The following PLEKHA8 variants were observed in gnomAD, a reference collection of about 807,000 sequenced individuals.
PLEKHA8 encodes pleckstrin homology domain containing A8, also known as pleckstrin homology domain-containing family A member 8.
A neutral mutation model predicts 68.2 loss-of-function variants in PLEKHA8; 36 were observed. The observed-to-expected ratio is 0.53, with a 90% CI of 0.40 to 0.70. The LOEUF is 0.70. Ranked by LOEUF, PLEKHA8 falls within the 30% of genes least tolerant of loss-of-function variation. The pLI, the probability that PLEKHA8 is intolerant of heterozygous loss-of-function variation, is 0.00. For synonymous variants in PLEKHA8, 211 were observed against 216.1 expected, an observed-to-expected ratio of 0.98 and a Z score of 0.20; for missense variants, 505 against 615.4, an observed-to-expected ratio of 0.82 and a Z score of 1.90.
At chr7:30,052,664 C>CA in intron 6 of PLEKHA8, 45 bp from the exon 7 acceptor site, 1 of 1,346,920 alleles carries the variant, frequency 7.4e-7, no homozygotes. Context: ...AAAAAAAGAC[C>CA]AAATAACGAC....
chr7:30,065,660 A>T (rs1039315864), intron 12 of PLEKHA8, among the ~76,000 whole-genome samples: 1 of 152,194 alleles, frequency 6.6e-6, no homozygotes, highest in Non-Finnish European at 1.5e-5. Context: ...TGCCATATAT[A>T]GGCAAGTTTG....
chr7:30,126,442 G>A (rs1324469382), intron 13 of PLEKHA8, among the ~76,000 whole-genome samples: 1 of 152,252 alleles, frequency 6.6e-6, no homozygotes, highest in Non-Finnish European at 1.5e-5. Flanking sequence ...CTTACATAAG[G>A]CTAAATGAAC....
chr7:30,051,196 G>A (rs62446681), intron 6 of PLEKHA8, among the ~76,000 whole-genome samples: 22,442 of 152,014 alleles, frequency 0.15, 1,712 homozygotes, highest in Middle Eastern at 0.19. Flanking sequence ...CACTGTGCCC[G>A]GCCTCAAATT....
chr7:30,076,486 A>G (rs990789496), intron 13 of PLEKHA8, among the ~76,000 whole-genome samples: 1 of 152,238 alleles, frequency 6.6e-6, no homozygotes, highest in Non-Finnish European at 1.5e-5. Context: ...TGAGCACTTA[A>G]CATGCACTAG....
chr7:30,103,631 A>G (rs1562551159), intron 13 of PLEKHA8, among the ~76,000 whole-genome samples: 1 of 152,220 alleles, frequency 6.6e-6, no homozygotes, highest in Non-Finnish European at 1.5e-5. Context: ...TAGTCAGTTG[A>G]TTTTTGATCA....
chr7:30,056,010 T>G (rs1355067593), intron 9 of PLEKHA8, among the ~76,000 whole-genome samples: 1 of 150,196 alleles, frequency 6.7e-6, no homozygotes, highest in Non-Finnish European at 1.5e-5. Flanking sequence ...TGGCGGGATC[T>G]CCACTCACTG....
At chr7:30,052,510 C>T (rs1792495520) in intron 6 of PLEKHA8, among the ~76,000 whole-genome samples, 199 bp from the exon 7 acceptor site, 2 of 151,958 alleles carry the variant, frequency 1.3e-5, no homozygotes, top group African/African-American at 2.4e-5. Context: ...GTGGCAGGCA[C>T]CTGTAGTCCG....
At chr7:30,104,162 A>C (rs1318786230) in intron 13 of PLEKHA8, among the ~76,000 whole-genome samples, 1 of 152,228 alleles carries the variant, frequency 6.6e-6, no homozygotes, top group Non-Finnish European at 1.5e-5. Flanking sequence ...AGCACTATAC[A>C]TCCACTAGTT....
At chr7:30,071,183 C>T (rs984882930) in intron 12 of PLEKHA8, among the ~76,000 whole-genome samples, 9 of 152,074 alleles carry the variant, frequency 5.9e-5, no homozygotes, top group Non-Finnish European at 1.0e-4. Flanking sequence ...CCAAAAAAAG[C>T]GATAAATGTT....
intron 1 of PLEKHA8, among the ~76,000 whole-genome samples, chr7:30,031,060 T>C (rs914851265): frequency 6.6e-5 from 10 of 152,208 alleles, no homozygotes; most frequent in Non-Finnish European, 1.2e-4. Context: ...TGGGATGCCT[T>C]GTGTCAAATT....
chr7:30,044,417 G>T (rs1003664694), intron 1 of PLEKHA8, among the ~76,000 whole-genome samples: 2 of 152,148 alleles, frequency 1.3e-5, no homozygotes, highest in African/African-American at 4.8e-5. Flanking sequence ...GATAAGATGC[G>T]TATTTCTACT....
intron 13 of PLEKHA8, among the ~76,000 whole-genome samples, chr7:30,102,430 C>T (rs529185535): frequency 1.3e-5 from 2 of 152,108 alleles, no homozygotes; most frequent in African/African-American, 4.8e-5. Context: ...GGTATAGACT[C>T]GAGGAAATTA....
At chr7:30,062,615 ACC>A in intron 11 of PLEKHA8, 55 bp from the exon 12 acceptor site, 1 of 1,268,002 alleles carries the variant, frequency 7.9e-7, no homozygotes. Flanking sequence ...ATTTCTTTAT[ACC>A]CACTCAACAT....
chr7:30,117,963 C>G (rs1247499815), intron 13 of PLEKHA8: 1 of 1,527,482 alleles, frequency 6.5e-7, no homozygotes, highest in East Asian at 2.5e-5. Context: ...GGATTCATTT[C>G]TAACAGGGAC....
At chr7:30,123,494 G>A (rs1038895244) in intron 13 of PLEKHA8, among the ~76,000 whole-genome samples, 1 of 152,198 alleles carries the variant, frequency 6.6e-6, no homozygotes, top group Non-Finnish European at 1.5e-5. Context: ...GAGGATCCAG[G>A]CTGAGCTTTT....
chr7:30,036,607 G>A (rs1449929992), intron 1 of PLEKHA8, among the ~76,000 whole-genome samples: 1 of 152,166 alleles, frequency 6.6e-6, no homozygotes, highest in African/African-American at 2.4e-5. Context: ...GCACTGTGCA[G>A]AACAAATAAA....
At chr7:30,127,144 T>C (rs1270714708) in intron 13 of PLEKHA8, among the ~76,000 whole-genome samples, 2 of 152,120 alleles carry the variant, frequency 1.3e-5, no homozygotes, top group Non-Finnish European at 2.9e-5. Flanking sequence ...TTACCTGGAG[T>C]GTCCTTTTTG....
intron 1 of PLEKHA8, among the ~76,000 whole-genome samples, chr7:30,031,011 C>T (rs1460444169): frequency 6.6e-6 from 1 of 152,178 alleles, no homozygotes; most frequent in African/African-American, 2.4e-5. Flanking sequence ...ACCCATGCCT[C>T]TGTATGGTTT....
intron 9 of PLEKHA8, 27 bp from the exon 10 acceptor site, chr7:30,060,857 A>G (rs371539164): frequency 2.8e-5 from 44 of 1,598,632 alleles, no homozygotes; most frequent in Non-Finnish European, 3.7e-5. Flanking sequence ...TTGCTTTTTC[A>G]GAAATGTTTT....
Sources: allele counts gnomAD v4.1 joint callset (sites outside exome capture counted in the v4.1 genomes callset), GRCh38; gene constraint gnomAD v4.1.1; transcripts MANE v1.5; gene names NCBI Gene and HGNC (gene_info 2026-07-23, HGNC 2026-07-21).